KCNMB4: variants seen among roughly 807,000 people sequenced by gnomAD.
KCNMB4 encodes the protein potassium calcium-activated channel subfamily M regulatory beta subunit 4, also known as calcium-activated potassium channel subunit beta-4.
Under a neutral mutation model 20.7 loss-of-function variants are expected in KCNMB4, and 3 were observed. The ratio of observed to expected loss-of-function variants is 0.14; its 90% CI spans 0.07 to 0.37. The LOEUF is 0.37. Ranked by LOEUF, KCNMB4 falls within the 10% of genes least tolerant of loss-of-function variation. The pLI, the probability that KCNMB4 is intolerant of heterozygous loss-of-function variation, is 1.00. For missense variants in KCNMB4, 168 were observed against 265.9 expected (o/e 0.63, Z 2.56); for synonymous variants, 110 against 113.4 (o/e 0.97, Z 0.19).
At chr12:70,427,390 G>A (rs1038405481) in intron 2 of KCNMB4, among the ~76,000 whole-genome samples, 12 of 152,174 alleles carry the variant, frequency 7.9e-5, no homozygotes, top group African/African-American at 2.2e-4. Context: ...ATAAGCGTGA[G>A]CATTACTGTG....
At chr12:70,384,371 A>G (rs1182569882) in intron 1 of KCNMB4, among the ~76,000 whole-genome samples, 1 of 152,208 alleles carries the variant, frequency 6.6e-6, no homozygotes, top group East Asian at 1.9e-4. Context: ...AAGAGACTAA[A>G]TATTACAATG....
chr12:70,401,678 C>T (rs1868455394), intron 2 of KCNMB4, among the ~76,000 whole-genome samples: 2 of 146,216 alleles, frequency 1.4e-5, no homozygotes, highest in East Asian at 4.0e-4. Context: ...TGGCTGTGCT[C>T]ATTTGTAGTC....
chr12:70,412,822 T>C (rs1332683278), intron 2 of KCNMB4, among the ~76,000 whole-genome samples: 1 of 152,240 alleles, frequency 6.6e-6, no homozygotes, highest in Non-Finnish European at 1.5e-5. Flanking sequence ...TGATATTTGG[T>C]AAAAATTACT....
At chr12:70,379,586 T>A (rs1883748484) in intron 1 of KCNMB4, among the ~76,000 whole-genome samples, 1 of 152,138 alleles carries the variant, frequency 6.6e-6, no homozygotes, top group Non-Finnish European at 1.5e-5. Flanking sequence ...CTGGCTAATG[T>A]TTGTATTTTT....
chr12:70,426,781 A>T (rs1368976503), intron 2 of KCNMB4, among the ~76,000 whole-genome samples: 1 of 152,232 alleles, frequency 6.6e-6, no homozygotes, highest in Non-Finnish European at 1.5e-5. Flanking sequence ...GTCCTACCAC[A>T]GCACCGGGAG....
At chr12:70,394,428 T>A (rs939287087) in intron 1 of KCNMB4, among the ~76,000 whole-genome samples, 3 of 152,194 alleles carry the variant, frequency 2.0e-5, no homozygotes, top group Admixed American at 6.5e-5. Flanking sequence ...GCTTTTCACA[T>A]TTTCTAAGCC....
chr12:70,424,662 A>G (rs1362084014), intron 2 of KCNMB4, among the ~76,000 whole-genome samples: 1 of 150,612 alleles, frequency 6.6e-6, no homozygotes, highest in African/African-American at 2.5e-5. Flanking sequence ...AGGCAGGAGA[A>G]TCGCTTGAAC....
rs181227533 is a variant in KCNMB4, at chr12:70,366,860, C to A, written c.126C>A (p.Pro42=). 86 of 1,613,256 alleles carry A rather than the reference C, an allele frequency of 5.3e-5. No homozygotes were observed. Among genetic ancestry groups the A allele is most frequent in the Non-Finnish European group, 7.0e-5 (83 of 1,179,938 alleles). ...LFIFGFCWLS[P]ALQDLQATEA... ...TCTTCGGCTTCTGCTGGCTGAGTCC[C>A]GCGCTGCAGGATCTGCAAGCCACGG... Residue 42 remains proline, a synonymous_variant, in exon 1 of 3, where the codon CCC becomes CCA. Transcript: ENST00000258111.
At chr12:70,411,824 G>A (rs1868786321) in intron 2 of KCNMB4, among the ~76,000 whole-genome samples, 1 of 152,166 alleles carries the variant, frequency 6.6e-6, no homozygotes, top group Non-Finnish European at 1.5e-5. Context: ...GGTTGAAATA[G>A]ATAATACTGT....
intron 2 of KCNMB4, among the ~76,000 whole-genome samples, chr12:70,417,879 G>C (rs1040585357): frequency 6.6e-6 from 1 of 152,140 alleles, no homozygotes; most frequent in Non-Finnish European, 1.5e-5. Flanking sequence ...CCAGGTTATT[G>C]GGAGTTGAAC....
chr12:70,384,801 G>C (rs1361810269), intron 1 of KCNMB4, among the ~76,000 whole-genome samples: 1 of 143,836 alleles, frequency 7.0e-6, no homozygotes, highest in Admixed American at 7.2e-5. Flanking sequence ...TTGAGCCCAG[G>C]AGTTTAAGGT....
intron 1 of KCNMB4, among the ~76,000 whole-genome samples, chr12:70,373,574 G>A (rs1883635668): frequency 6.6e-6 from 1 of 152,232 alleles, no homozygotes; most frequent in African/African-American, 2.4e-5. Flanking sequence ...CTGACCTCCA[G>A]AATTGTAAGA....
chr12:70,409,315 C>T (rs889933965), intron 2 of KCNMB4, among the ~76,000 whole-genome samples: 2 of 152,204 alleles, frequency 1.3e-5, no homozygotes, highest in African/African-American at 4.8e-5. Flanking sequence ...CTCAACTAGT[C>T]TGTCAGCCTT....
rs551008955 is a variant in KCNMB4 at position 70,382,220 on chromosome 12, C to T, written c.336+15150C>T. The stretch of plus-strand genomic sequence containing the variant: ...CAGCACTTTGGGAGGCCGAGGCGGG[C>T]GGATCACGAGGTCAGGAGATCGAGA... On this transcript the variant is annotated intron_variant, in intron 1 of 2. Transcript: ENST00000258111. Among the ~76,000 whole-genome samples, 1,166 of 151,398 alleles carry T rather than the reference C, an allele frequency of 7.7e-3. 8 individuals are homozygous for T. The highest frequency in any genetic ancestry group is 0.015 in the Non-Finnish European group (984 of 67,756).
intron 1 of KCNMB4, among the ~76,000 whole-genome samples, chr12:70,370,401 T>A (rs1354445552): frequency 5.3e-5 from 8 of 151,122 alleles, no homozygotes; most frequent in Admixed American, 5.3e-4. Flanking sequence ...TCCGCCTCCC[T>A]GGTTCATGCC....
intron 1 of KCNMB4, among the ~76,000 whole-genome samples, chr12:70,399,921 T>G (rs1868408274): frequency 1.3e-5 from 2 of 152,202 alleles, no homozygotes; most frequent in Admixed American, 1.3e-4. Context: ...GAGTATATTA[T>G]GCTTTTAATT....
chr12:70,423,810 C>A (rs1869134742), intron 2 of KCNMB4, among the ~76,000 whole-genome samples: 1 of 152,122 alleles, frequency 6.6e-6, no homozygotes. Context: ...ATCACAATAT[C>A]ATTGGTAGAC....
At chr12:70,407,625 A>G (rs1458903337) in intron 2 of KCNMB4, among the ~76,000 whole-genome samples, 1 of 150,016 alleles carries the variant, frequency 6.7e-6, no homozygotes, top group African/African-American at 2.4e-5. Flanking sequence ...CCGCCACCAC[A>G]CCCGGCTAAT....
intron 2 of KCNMB4, among the ~76,000 whole-genome samples, chr12:70,409,947 G>C (rs1159100652): frequency 6.6e-6 from 1 of 152,228 alleles, no homozygotes; most frequent in African/African-American, 2.4e-5. Flanking sequence ...GTTTTAAGCA[G>C]AGTGGTAATA....
Sources: allele counts gnomAD v4.1 joint callset (sites outside exome capture counted in the v4.1 genomes callset), GRCh38; gene constraint gnomAD v4.1.1; transcripts MANE v1.5; gene names NCBI Gene and HGNC (gene_info 2026-07-23, HGNC 2026-07-21).